Variants in RXRA observed in about 807,000 individuals in gnomAD.
RXRA encodes retinoic acid receptor RXR-alpha.
RXRA carries 5 observed loss-of-function variants against 44.5 expected under a neutral mutation model. The ratio of observed to expected loss-of-function variants is 0.11; its 90% confidence interval spans 0.06 to 0.24. The LOEUF is 0.24. RXRA is among the 10% of genes least tolerant of loss of function. The pLI is 1.00. For synonymous variants in RXRA, 291 were observed against 271.4 expected, an observed-to-expected ratio of 1.07 and a Z score of -0.71; for missense variants, 412 against 646.5, an observed-to-expected ratio of 0.64 and a Z score of 3.93.
intron 1 of RXRA, among the ~76,000 whole-genome samples, chr9:134,337,409 G>A (rs1462340696): frequency 6.6e-6 from 1 of 152,238 alleles, no homozygotes; most frequent in African/African-American, 2.4e-5. Flanking sequence ...GCGGGCAGTA[G>A]TGGTCTCTGG....
At chr9:134,423,776 C>G (rs756965014) in intron 6 of RXRA, 7 of 985,460 alleles carry the variant, frequency 7.1e-6, no homozygotes, top group Non-Finnish European at 8.4e-6. Context: ...CCAGAACCCT[C>G]GGTTCAGAGC....
intron 1 of RXRA, among the ~76,000 whole-genome samples, chr9:134,397,590 C>T (rs564273255): frequency 3.0e-4 from 46 of 152,206 alleles, no homozygotes; most frequent in Non-Finnish European, 6.0e-4. Context: ...CTGCCCCTGC[C>T]GGGATCAGGG....
intron 1 of RXRA, chr9:134,380,088 CGTG>C: frequency 1.0e-6 from 1 of 985,466 alleles, no homozygotes; most frequent in Non-Finnish European, 1.2e-6. Context: ...CCTCTGTTGT[CGTG>C]GTCAGTCGTG....
intron 1 of RXRA, among the ~76,000 whole-genome samples, chr9:134,376,870 C>T (rs1830564511): frequency 6.6e-6 from 1 of 152,224 alleles, no homozygotes; most frequent in Non-Finnish European, 1.5e-5. Flanking sequence ...GTGAGGGCAC[C>T]TTGGGCGTCG....
At chr9:134,373,588 A>G (rs750913552) in intron 1 of RXRA, among the ~76,000 whole-genome samples, 33 of 152,162 alleles carry the variant, frequency 2.2e-4, no homozygotes, top group Admixed American at 1.2e-3. Flanking sequence ...CTTATGGTAG[A>G]CACATGTGCA....
At chr9:134,327,605 T>G (rs1834936224) in intron 1 of RXRA, among the ~76,000 whole-genome samples, 1 of 152,118 alleles carries the variant, frequency 6.6e-6, no homozygotes, top group Non-Finnish European at 1.5e-5. Flanking sequence ...TCGAAACAGC[T>G]GATTATGAAT....
intron 2 of RXRA, chr9:134,403,792 T>C (rs1019598696): frequency 6.6e-6 from 1 of 152,372 alleles, no homozygotes; most frequent in Non-Finnish European, 1.5e-5. Flanking sequence ...TGAAGCCAAG[T>C]TGCTTGGGAG....
rs555943832 is a variant in RXRA, at chr9:134,342,771, C to T, written c.28+16112C>T. Among the ~76,000 whole-genome samples the T allele has an allele frequency of 4.7e-4, 71 of 152,248 alleles. No homozygotes were observed. Among genetic ancestry groups the T allele is most frequent in the African/African-American group, 1.5e-3 (63 of 41,552 alleles). On this transcript the variant is annotated intron_variant, in intron 1 of 9. Coordinates refer to ENST00000481739, the MANE Select transcript of RXRA (RefSeq NM_002957.6). The surrounding 1 kb of genome is among the most constrained non-coding windows in gnomAD (Gnocchi z 4.4). ...CCCCATAGGAGAGTGGACAGCGCCG[C>T]GGAGGAGGCTGCCTACCTGCCTTCC...
intron 1 of RXRA, among the ~76,000 whole-genome samples, chr9:134,350,394 C>T (rs576922116): frequency 1.2e-4 from 18 of 152,336 alleles, no homozygotes; most frequent in Non-Finnish European, 1.9e-4. Flanking sequence ...GCTGTCCTCG[C>T]CCCCTGGGTG....
At chr9:134,334,158 G>A (rs1564257953) in intron 1 of RXRA, among the ~76,000 whole-genome samples, 1 of 152,266 alleles carries the variant, frequency 6.6e-6, no homozygotes, top group Non-Finnish European at 1.5e-5. Context: ...GGTGCCTGGC[G>A]GATGGGAGCT....
chr9:134,352,761 C>T (rs995750088), intron 1 of RXRA, among the ~76,000 whole-genome samples: 8 of 152,144 alleles, frequency 5.3e-5, no homozygotes, highest in African/African-American at 1.2e-4. Flanking sequence ...GCTGACGGCT[C>T]GCATGCCTGT....
At chr9:134,402,782 T>A (rs1439094931) in intron 2 of RXRA, 1 of 152,082 alleles carries the variant, frequency 6.6e-6, no homozygotes, top group Non-Finnish European at 1.5e-5. Context: ...AGGCCCTCCC[T>A]CTCCAGGGGC....
chr9:134,437,118 T>TG lies in RXRA; in HGVS notation c.*509dup, dbSNP rs1831636258. Reference sequence around the variant, plus strand: ...TTCCCCCTAATCAGGAGGGGACAGCTGGGGGCGCAAGCTGGTGTGTCATCA... The same window carrying TG: ...TTCCCCCTAATCAGGAGGGGACAGCTGGGGGGCGCAAGCTGGTGTGTCATCA... On this transcript the variant is annotated 3_prime_UTR_variant, in exon 10 of 10. Coordinates refer to ENST00000481739, the MANE Select transcript of RXRA (RefSeq NM_002957.6). 6.2e-6 allele frequency: 1 copy of TG among 161,922 alleles called. No individual in the cohort carries two copies. Among genetic ancestry groups the TG allele is most frequent in the Non-Finnish European group, 1.4e-5 (1 of 72,908 alleles). 10.0% of individuals were successfully genotyped at this position (161,922 alleles called of 1,614,324 possible).
At chr9:134,430,782 A>G (rs1424776250) in intron 7 of RXRA, among the ~76,000 whole-genome samples, 3 of 152,168 alleles carry the variant, frequency 2.0e-5, no homozygotes, top group African/African-American at 7.2e-5. Flanking sequence ...GCTGGTAGAG[A>G]GATGGCGATG....
intron 1 of RXRA, among the ~76,000 whole-genome samples, chr9:134,378,693 C>T (rs535485324): frequency 6.6e-6 from 1 of 152,308 alleles, no homozygotes; most frequent in East Asian, 1.9e-4. Flanking sequence ...GGGTAGGGAG[C>T]TCTGACCCTG....
At chr9:134,428,911 C>T (rs913774588) in intron 6 of RXRA, among the ~76,000 whole-genome samples, 197 bp from the exon 7 acceptor site, 8 of 152,316 alleles carry the variant, frequency 5.3e-5, no homozygotes, top group South Asian at 2.1e-4. Context: ...CAGGGCCTTT[C>T]GTGTGCCGGT....
In RXRA at chr9:134,341,353, G is replaced by T. The variant is rs150537372; in HGVS notation, c.28+14694G>T. On this transcript the variant is annotated intron_variant, in intron 1 of 9. Coordinates refer to ENST00000481739, the MANE Select transcript of RXRA (RefSeq NM_002957.6). ...GCCACTTCCAGCCTGGGGTTCTGGC[G>T]TGTGGTTGGAGTCCTGGGGGCTGCT... Among the ~76,000 whole-genome samples the T allele has an allele frequency of 7.2e-3, 1,089 of 152,262 alleles. 10 individuals carry two copies. Among genetic ancestry groups the T allele is most frequent in the African/African-American group, 0.024 (1,017 of 41,536 alleles).
chr9:134,367,392 C>T (rs1830427622), intron 1 of RXRA, among the ~76,000 whole-genome samples: 1 of 152,212 alleles, frequency 6.6e-6, no homozygotes, highest in African/African-American at 2.4e-5. Context: ...CACCCTTCCA[C>T]TCTCTGTGGG....
chr9:134,409,193 C>G, intron 4 of RXRA, 74 bp downstream of exon 4: 1 of 1,382,130 alleles, frequency 7.2e-7, no homozygotes, highest in Non-Finnish European at 9.7e-7. Context: ...TGCGTGGACA[C>G]CCGAGATGGA....
Sources: gnomAD v4.1 joint callset for allele counts (sites outside exome capture counted in the v4.1 genomes callset) on GRCh38, gnomAD v4.1.1 for gene constraint, Gnocchi (gnomAD v3.1) non-coding constraint, MANE v1.5 for transcripts, NCBI Gene and HGNC (gene_info 2026-07-23, HGNC 2026-07-21) for gene names.